The following NBAS variants were observed in gnomAD, a reference collection of about 807,000 sequenced individuals.
NBAS encodes the protein NBAS subunit of NRZ tethering complex.
NBAS carries 219 observed loss-of-function variants against 302.5 expected under a neutral mutation model. The ratio of observed to expected loss-of-function variants is 0.72; its 90% CI spans 0.65 to 0.81. NBAS has a LOEUF of 0.81. Among genes scored for constraint, NBAS ranks in the 30% least tolerant of loss-of-function variants. The pLI, the probability that NBAS is intolerant of heterozygous loss-of-function variation, is 0.00. For synonymous variants in NBAS, 1,118 were observed against 1,021.6 expected (o/e 1.09, Z -1.80); for missense variants, 2,932 against 2,841.6 (o/e 1.03, Z -0.72).
At chr2:15,083,867 G>C in the NBAS span, among the ~76,000 whole-genome samples, 661 of 152,240 alleles carry the variant, frequency 4.3e-3, 6 homozygotes, top group African/African-American at 0.015. Context: ...TCACTTACCC[G>C]ATCTGCAACC....
the NBAS span, among the ~76,000 whole-genome samples, chr2:14,934,130 G>T: frequency 1.3e-5 from 2 of 152,186 alleles, no homozygotes; most frequent in Admixed American, 1.3e-4. Context: ...AGATCATTTT[G>T]TATTTAAATA....
intron 9 of NBAS, among the ~76,000 whole-genome samples, chr2:15,519,798 G>C (rs1662575891): frequency 6.6e-6 from 1 of 152,036 alleles, no homozygotes; most frequent in Admixed American, 6.5e-5. Context: ...GCTGGTCAGG[G>C]ACCACATTTT....
intron 38 of NBAS, among the ~76,000 whole-genome samples, chr2:15,318,834 G>A (rs754579412): frequency 1.3e-5 from 2 of 152,172 alleles, no homozygotes; most frequent in Non-Finnish European, 2.9e-5. Context: ...ATATTAGACA[G>A]ATCAACGAGA....
At chr2:14,788,806 C>T in the NBAS span, among the ~76,000 whole-genome samples, 1 of 152,344 alleles carries the variant, frequency 6.6e-6, no homozygotes, top group African/African-American at 2.4e-5. Context: ...AGGAGGCAGT[C>T]TGCCCTTTCT....
chr2:15,443,418 C>A (rs1234458344), intron 21 of NBAS, among the ~76,000 whole-genome samples: 1 of 152,204 alleles, frequency 6.6e-6, no homozygotes, highest in Admixed American at 6.5e-5. Flanking sequence ...ATTGTCTCAA[C>A]AGATGCAGAA....
At chr2:14,844,743 G>A in the NBAS span, among the ~76,000 whole-genome samples, 4 of 152,270 alleles carry the variant, frequency 2.6e-5, no homozygotes, top group South Asian at 6.2e-4. Context: ...GGACCTTAAG[G>A]GAATATCAGC....
intron 48 of NBAS, among the ~76,000 whole-genome samples, chr2:15,211,198 A>G (rs943032318): frequency 1.3e-5 from 2 of 152,202 alleles, no homozygotes; most frequent in East Asian, 1.9e-4. Flanking sequence ...TGTGATTTTT[A>G]TGCACTGCAT....
At chr2:15,413,919 G>A (rs1676801286) in intron 25 of NBAS, among the ~76,000 whole-genome samples, 2 of 152,132 alleles carry the variant, frequency 1.3e-5, no homozygotes, top group South Asian at 2.1e-4. Context: ...AAAGGCACAC[G>A]CTAAATTGCC....
At chr2:15,492,511 C>T (rs1680902120) in intron 11 of NBAS, among the ~76,000 whole-genome samples, 1 of 152,172 alleles carries the variant, frequency 6.6e-6, no homozygotes. Context: ...GGCTGGAGTG[C>T]ACTGGCACGA....
At chr2:15,056,052 A>C in the NBAS span, among the ~76,000 whole-genome samples, 1 of 152,042 alleles carries the variant, frequency 6.6e-6, no homozygotes, top group African/African-American at 2.4e-5. Context: ...TTGACTAAAA[A>C]ATTAAAAATG....
At chr2:14,952,122 G>C in the NBAS span, among the ~76,000 whole-genome samples, 2 of 152,194 alleles carry the variant, frequency 1.3e-5, no homozygotes, top group African/African-American at 4.8e-5. Flanking sequence ...ACTAAGCTCA[G>C]CTCAGGGGAT....
rs926534335 is a variant in NBAS, at chr2:15,202,256, CTTATT to C, written c.6433-11858_6433-11854del. On this transcript the variant is annotated intron_variant, in intron 48 of 51. Transcript: ENST00000281513. ...CAGAACCATGCTTTACAGCACCCTACTTATTTTATTATACCTGTAAACATAGAAAT... is the reference window on the plus strand; with the variant it reads ...CAGAACCATGCTTTACAGCACCCTACTTATTATACCTGTAAACATAGAAAT... 5.3e-5 allele frequency among the ~76,000 whole-genome samples: 8 copies of C among 151,988 alleles called. No homozygotes were observed. In the South Asian group the frequency reaches 6.2e-4, roughly 12 times the overall value.
intron 32 of NBAS, among the ~76,000 whole-genome samples, chr2:15,359,231 T>TA (rs916545768): frequency 3.9e-5 from 6 of 151,976 alleles, no homozygotes; most frequent in Admixed American, 1.3e-4. Flanking sequence ...CATGCATCTG[T>TA]AAAAAAAATC....
At chr2:15,333,153 G>A (rs186651525) in intron 35 of NBAS, among the ~76,000 whole-genome samples, 8 of 152,304 alleles carry the variant, frequency 5.3e-5, no homozygotes, top group Non-Finnish European at 1.0e-4. Flanking sequence ...ATCACAGAAG[G>A]CTTCGCAGAG....
the NBAS span, among the ~76,000 whole-genome samples, chr2:14,919,526 C>G: frequency 2.7e-3 from 404 of 152,228 alleles, no homozygotes; most frequent in African/African-American, 9.3e-3. Context: ...CTTGCTTTTA[C>G]AAAATATGTT....
intron 38 of NBAS, among the ~76,000 whole-genome samples, chr2:15,313,297 A>T (rs1384177424): frequency 2.6e-5 from 4 of 152,254 alleles, no homozygotes; most frequent in South Asian, 4.1e-4. Context: ...ATATAATTTT[A>T]AAAATATATG....
At chr2:15,541,823 C>G (rs1196332358) in intron 6 of NBAS, among the ~76,000 whole-genome samples, 1 of 99,472 alleles carries the variant, frequency 1.0e-5, no homozygotes, top group African/African-American at 3.8e-5. Flanking sequence ...CAGCCCCCCG[C>G]CCGGCCAGCC....
At chr2:15,468,234 T>C (rs554174488) in intron 17 of NBAS, 148 bp downstream of exon 17, 329 of 876,530 alleles carry the variant, frequency 3.8e-4, no homozygotes, top group Non-Finnish European at 5.4e-4. Context: ...TGATGAGCAA[T>C]GACTTCAGGT....
chr2:15,415,601 A>C lies in NBAS; in HGVS notation c.2882T>G (p.Leu961Ter), dbSNP rs1553308501. Residue 961 changes from leucine (L) to a stop codon, truncating the protein, a stop_gained, in exon 25 of 52, where the codon TTA becomes TGA. Transcript: ENST00000281513. LOFTEE classifies it high-confidence loss of function. ...GGGAAATTTTAAGTCCCCTTTAGCTAAAGTTACTAAATATTCTTTTAATAG... is the reference window on the plus strand; with the variant it reads ...GGGAAATTTTAAGTCCCCTTTAGCTCAAGTTACTAAATATTCTTTTAATAG... ...NELLKEYLVT[L>*]AKGDLKFPLK... 1 of 1,614,080 alleles carries C rather than the reference A, an allele frequency of 6.2e-7. No homozygotes were observed. The highest frequency in any genetic ancestry group is 8.5e-7 in the Non-Finnish European group (1 of 1,179,944).
Sources: allele counts gnomAD v4.1 joint callset (sites outside exome capture counted in the v4.1 genomes callset), GRCh38; gene constraint gnomAD v4.1.1; transcripts MANE v1.5; gene names NCBI Gene and HGNC (gene_info 2026-07-23, HGNC 2026-07-21).